HHLA2: variants seen among roughly 807,000 people sequenced by gnomAD.
HHLA2 encodes HHLA2 member of B7 family.
Under a neutral mutation model 45.9 loss-of-function variants are expected in HHLA2, and 48 were observed. That is an observed-to-expected ratio of 1.05 (90% CI 0.83 to 1.33). The LOEUF (loss-of-function observed/expected upper bound fraction) is 1.33. HHLA2 is among the 40% of genes most tolerant of loss of function. HHLA2 has a pLI of 0.00. For synonymous variants in HHLA2, 161 were observed against 173.9 expected (o/e 0.93, Z 0.59); for missense variants, 462 against 494.3 (o/e 0.93, Z 0.62).
chr3:108,313,432 A>G lies in HHLA2; in HGVS notation c.-105+2691A>G, dbSNP rs529311011. Among the ~76,000 whole-genome samples, 315 of 152,294 alleles carry G rather than the reference A, an allele frequency of 2.1e-3. 3 individuals are homozygous for G. Among genetic ancestry groups the G allele is most frequent in the Non-Finnish European group, 3.8e-3 (260 of 68,016 alleles). ...AAATATGTTTCAGAACCACTCAACA[A>G]GGGCAAGGAGTGGGAGCATTTATTC... On this transcript the variant is annotated intron_variant, in intron 2 of 10. Coordinates refer to ENST00000619531, the Ensembl canonical transcript of HHLA2.
chr3:108,344,986 C>CCA (rs1448265034), intron 3 of HHLA2, among the ~76,000 whole-genome samples: 1 of 152,144 alleles, frequency 6.6e-6, no homozygotes, highest in Non-Finnish European at 1.5e-5. Flanking sequence ...TGGACTTTAC[C>CCA]CCACCTTGTG....
At position 108,377,257 on chromosome 3, in the gene HHLA2, G is replaced by T; in HGVS notation, c.1225-1G>T. 1 of 1,559,240 alleles carries T rather than the reference G, an allele frequency of 6.4e-7. No homozygotes were observed. The highest frequency in any genetic ancestry group is 8.8e-7 in the Non-Finnish European group (1 of 1,132,870). On this transcript the variant is annotated splice_acceptor_variant, in intron 10 of 10. Coordinates refer to ENST00000619531, the Ensembl canonical transcript of HHLA2. LOFTEE classifies it high-confidence loss of function. ...TTAGAGTCTATTTTTCTTGCTTCTA[G>T]CCTCTTTCAGGAAAAGTATAGGAAA...
At chr3:108,358,994 G>T (rs1016323834) in intron 7 of HHLA2, among the ~76,000 whole-genome samples, 1 of 152,138 alleles carries the variant, frequency 6.6e-6, no homozygotes, top group Non-Finnish European at 1.5e-5. Context: ...GGAAGCTTCT[G>T]GACATTGAGT....
At chr3:108,336,027 C>T (rs1456694016) in intron 3 of HHLA2, among the ~76,000 whole-genome samples, 2 of 151,956 alleles carry the variant, frequency 1.3e-5, no homozygotes, top group Non-Finnish European at 2.9e-5. Context: ...TACTTCCTCC[C>T]TGTTGTGCCC....
Position 108,353,634 on chromosome 3 carries a change from G to T in HHLA2, c.272G>T (p.Arg91Met), listed in dbSNP as rs375560061. Residue 91 changes from arginine to methionine, a missense_variant, in exon 5 of 11, where the codon AGG becomes ATG. By Grantham distance (91) the Arg-to-Met change is moderately conservative. Around this residue, in one of 3 missense-constraint regions of HHLA2, gnomAD observed 335 missense variants for 367.4 expected, o/e 0.91. Coordinates refer to ENST00000619531, the Ensembl canonical transcript of HHLA2. The stretch of plus-strand genomic sequence containing the variant: ...AGCCAAGATCCCAGATATGCAAACA[G>T]GACATCCCTTTTCTATAATGAGATT... The T allele has an allele frequency of 1.5e-5, 24 of 1,613,628 alleles. No individual in the cohort carries two copies. The highest frequency in any genetic ancestry group is 1.9e-5 in the Non-Finnish European group (23 of 1,179,772).
At chr3:108,321,826 A>G (rs1190790020) in intron 2 of HHLA2, among the ~76,000 whole-genome samples, 2 of 151,840 alleles carry the variant, frequency 1.3e-5, no homozygotes, top group Non-Finnish European at 2.9e-5. Flanking sequence ...CTCTGTGTCT[A>G]TTTACTGTCT....
intron 2 of HHLA2, among the ~76,000 whole-genome samples, chr3:108,314,083 A>C (rs1352130207): frequency 6.6e-6 from 1 of 152,186 alleles, no homozygotes; most frequent in Non-Finnish European, 1.5e-5. Context: ...GTGATGTCGC[A>C]TAATTGTATA....
exon 6 of HHLA2, chr3:108,355,365 G>A: frequency 1.2e-6 from 2 of 1,612,926 alleles, no homozygotes; most frequent in Non-Finnish European, 1.7e-6. Context: ...CATGGACAGG[G>A]CGCTGGACGA....
intron 3 of HHLA2, among the ~76,000 whole-genome samples, chr3:108,336,244 G>A (rs569203818): frequency 1.3e-5 from 2 of 152,180 alleles, no homozygotes; most frequent in South Asian, 2.1e-4. Context: ...AGACAGCACC[G>A]CAATCTCACA....
In HHLA2 at chr3:108,361,797, C is replaced by T. The variant is rs1172076481; in HGVS notation, c.1004-545C>T. On this transcript the variant is annotated intron_variant, in intron 7 of 10. Coordinates refer to ENST00000619531, the Ensembl canonical transcript of HHLA2. ...CTAACTCAAGACCAGGGCTTCTACTCATCTCCTTTTATCACCTCTGAACTT... is the reference window on the plus strand; with the variant it reads ...CTAACTCAAGACCAGGGCTTCTACTTATCTCCTTTTATCACCTCTGAACTT... 1.3e-5 allele frequency among the ~76,000 whole-genome samples: 2 copies of T among 152,096 alleles called. 1 individual carries two copies. The highest frequency in any genetic ancestry group is 2.9e-5 in the Non-Finnish European group (2 of 68,024).
chr3:108,348,962 T>G (rs1165246570), intron 3 of HHLA2, among the ~76,000 whole-genome samples: 1 of 152,148 alleles, frequency 6.6e-6, no homozygotes, highest in Non-Finnish European at 1.5e-5. Context: ...GCAAAGGACA[T>G]GAACTCATCC....
Position 108,328,956 on chromosome 3 carries a change from C to T in HHLA2, c.-27+609C>T, listed in dbSNP as rs1236195265. ...GTATGAAGAAATTACATCTTAGAAT[C>T]AGAGTTTGTGCTGGATTCATGCGTG... is the stretch of plus-strand genomic sequence containing the variant. On this transcript the variant is annotated intron_variant, in intron 3 of 10. Coordinates refer to ENST00000619531, the Ensembl canonical transcript of HHLA2. 1.3e-5 allele frequency among the ~76,000 whole-genome samples: 2 copies of T among 152,138 alleles called. 1 individual carries two copies. The highest frequency in any genetic ancestry group is 3.9e-4 in the East Asian group (2 of 5,192).
Position 108,367,780 on chromosome 3 carries a change from ACTTCAGGATATTATCCAGGAGAACTT to A in HHLA2, c.1108+5337_1108+5362del, listed in dbSNP as rs1381658866. ...AGAATGGAACCCAGTTGGAAAACAC[ACTTCAGGATATTATCCAGGAGAACTT>A]CTCCAACCTAGCAAGACAAGCCACT... is the stretch of plus-strand genomic sequence containing the variant. On this transcript the variant is annotated intron_variant, in intron 8 of 10. Coordinates refer to ENST00000619531, the Ensembl canonical transcript of HHLA2. 2.0e-5 allele frequency among the ~76,000 whole-genome samples: 3 copies of A among 152,132 alleles called. No individual in the cohort carries two copies. The East Asian group carries it at 5.8e-4, about 29-fold the overall frequency.
chr3:108,309,581 T>C (rs866978054), intron 1 of HHLA2, among the ~76,000 whole-genome samples: 2 of 152,264 alleles, frequency 1.3e-5, no homozygotes, highest in Middle Eastern at 3.4e-3. Context: ...CTCAGGTAAT[T>C]TGTAGACTAT....
At chr3:108,362,517 T>C (rs1447280376) in intron 8 of HHLA2, 71 bp downstream of exon 7, 1 of 982,058 alleles carries the variant, frequency 1.0e-6, no homozygotes, top group African/African-American at 1.6e-5. Context: ...TGGAAATACA[T>C]GCCCAAACAG....
At chr3:108,375,639 A>G (rs1323351759) in intron 8 of HHLA2, 111 bp from the exon 8 acceptor site, 1 of 1,367,550 alleles carries the variant, frequency 7.3e-7, no homozygotes, top group Non-Finnish European at 9.8e-7. Context: ...CCTTCAAAGA[A>G]CCAGAGAGTG....
At chr3:108,372,209 C>A (rs2082188918) in intron 8 of HHLA2, among the ~76,000 whole-genome samples, 1 of 152,198 alleles carries the variant, frequency 6.6e-6, no homozygotes, top group African/African-American at 2.4e-5. Flanking sequence ...AACTGAACAA[C>A]CTGCTCCTGA....
At chr3:108,331,453 T>A (rs916899906) in intron 3 of HHLA2, among the ~76,000 whole-genome samples, 4 of 152,148 alleles carry the variant, frequency 2.6e-5, no homozygotes, top group African/African-American at 9.7e-5. Context: ...TGAAAGTAAG[T>A]CACAGTAATC....
exon 6 of HHLA2, chr3:108,355,254 A>T (rs772811202): frequency 1.2e-6 from 2 of 1,613,920 alleles, no homozygotes; most frequent in East Asian, 4.5e-5. Flanking sequence ...ACATGGAAGA[A>T]ACAGGGTCTT....
Sources: gnomAD v4.1 joint callset for allele counts (sites outside exome capture counted in the v4.1 genomes callset) on GRCh38, gnomAD v4.1.1 for gene constraint, gnomAD v4.1.1 regional missense constraint, MANE v1.5 for transcripts, NCBI Gene and HGNC (gene_info 2026-07-23, HGNC 2026-07-21) for gene names.